The following CRPPA variants were observed in gnomAD, a reference collection of about 807,000 sequenced individuals.
CRPPA encodes CDP-L-ribitol pyrophosphorylase A, also known as D-ribitol-5-phosphate cytidylyltransferase.
CRPPA carries 43 observed loss-of-function variants against 52.0 expected under a neutral mutation model. The observed-to-expected ratio is 0.83, with a 90% CI of 0.65 to 1.07. CRPPA has a LOEUF of 1.07. CRPPA is among the 50% of genes least tolerant of loss of function. The pLI, the probability that CRPPA is intolerant of heterozygous loss-of-function variation, is 0.00. For synonymous variants in CRPPA, 250 were observed against 203.5 expected (o/e 1.23, Z -1.94); for missense variants, 629 against 551.7 (o/e 1.14, Z -1.40).
At chr7:16,164,065 G>A (rs1780988107) in intron 9 of CRPPA, among the ~76,000 whole-genome samples, 1 of 152,114 alleles carries the variant, frequency 6.6e-6, no homozygotes, top group African/African-American at 2.4e-5. Flanking sequence ...CTCATGTTAG[G>A]TTGGGGAAGT....
chr7:16,130,728 A>G (rs1034675063), intron 9 of CRPPA, among the ~76,000 whole-genome samples: 1 of 152,222 alleles, frequency 6.6e-6, no homozygotes, highest in Non-Finnish European at 1.5e-5. Flanking sequence ...TCACTTGGAA[A>G]GTATTCCTAG....
intron 9 of CRPPA, among the ~76,000 whole-genome samples, chr7:16,188,201 G>C (rs1041768328): frequency 6.6e-5 from 10 of 151,862 alleles, no homozygotes; most frequent in Non-Finnish European, 8.8e-5. Flanking sequence ...AGCCAGGATG[G>C]TCTCGATTTC....
intron 1 of CRPPA, among the ~76,000 whole-genome samples, chr7:16,408,203 A>T (rs963777830): frequency 6.6e-6 from 1 of 152,200 alleles, no homozygotes; most frequent in African/African-American, 2.4e-5. Flanking sequence ...AACACCGATC[A>T]ACAATTGCAA....
intron 6 of CRPPA, among the ~76,000 whole-genome samples, chr7:16,260,643 T>C (rs1783769990): frequency 6.6e-6 from 1 of 152,028 alleles, no homozygotes; most frequent in Non-Finnish European, 1.5e-5. Flanking sequence ...GCCAAGTTTC[T>C]GACTTCACAG....
intron 2 of CRPPA, among the ~76,000 whole-genome samples, chr7:16,380,453 T>C (rs1019788288): frequency 1.3e-5 from 2 of 152,160 alleles, no homozygotes; most frequent in African/African-American, 4.8e-5. Context: ...AAAATTCTCT[T>C]TTTTAGTTGT....
chr7:16,352,319 G>A (rs527545043), intron 3 of CRPPA, among the ~76,000 whole-genome samples: 1 of 151,982 alleles, frequency 6.6e-6, no homozygotes, highest in East Asian at 1.9e-4. Context: ...TAGATGGCGG[G>A]TTGATAGGTG....
chr7:16,185,557 C>T (rs913153789), intron 9 of CRPPA, among the ~76,000 whole-genome samples: 1 of 152,160 alleles, frequency 6.6e-6, no homozygotes, highest in African/African-American at 2.4e-5. Flanking sequence ...TGGCTCCTGC[C>T]TGGCTTCTCC....
At chr7:16,298,289 C>T (rs985366842) in intron 5 of CRPPA, among the ~76,000 whole-genome samples, 7 of 151,976 alleles carry the variant, frequency 4.6e-5, no homozygotes, top group African/African-American at 1.2e-4. Flanking sequence ...CATATATAGC[C>T]CAAAGGTTTC....
chr7:16,137,270 T>G (rs1782780714), intron 9 of CRPPA, among the ~76,000 whole-genome samples: 1 of 152,184 alleles, frequency 6.6e-6, no homozygotes, highest in South Asian at 2.1e-4. Context: ...AGGAATCAGG[T>G]CCTCACCAAA....
chr7:16,324,736 C>A (rs1785341291), intron 3 of CRPPA, among the ~76,000 whole-genome samples: 1 of 152,176 alleles, frequency 6.6e-6, no homozygotes, highest in African/African-American at 2.4e-5. Context: ...AAGGCACTGA[C>A]AAAAATGAGA....
intron 5 of CRPPA, among the ~76,000 whole-genome samples, chr7:16,284,559 G>A (rs1254307786): frequency 2.6e-5 from 4 of 151,936 alleles, no homozygotes; most frequent in Non-Finnish European, 5.9e-5. Flanking sequence ...TCAGGGTTTG[G>A]TAAACAATCC....
intron 5 of CRPPA, among the ~76,000 whole-genome samples, chr7:16,289,994 A>G (rs981044476): frequency 6.6e-6 from 1 of 152,200 alleles, no homozygotes; most frequent in Non-Finnish European, 1.5e-5. Context: ...AATTCAACAT[A>G]CAAAAATCAG....
chr7:16,260,803 T>C (rs1452334100), intron 6 of CRPPA, among the ~76,000 whole-genome samples: 3 of 152,084 alleles, frequency 2.0e-5, no homozygotes, highest in Non-Finnish European at 4.4e-5. Context: ...TTCAGTTTTT[T>C]TGAAGTATTA....
intron 8 of CRPPA, among the ~76,000 whole-genome samples, chr7:16,253,786 C>G (rs1015506003): frequency 6.6e-6 from 1 of 152,130 alleles, no homozygotes; most frequent in Non-Finnish European, 1.5e-5. Flanking sequence ...AAACTACCAT[C>G]AGAGTGAACA....
intron 1 of CRPPA, among the ~76,000 whole-genome samples, chr7:16,414,174 G>A (rs1311947810): frequency 6.6e-6 from 1 of 152,070 alleles, no homozygotes. Flanking sequence ...CATGAACTAT[G>A]AGGAAAGCCC....
At chr7:16,110,566 AAGAGGGAGAGAG>A (rs1782240149) in intron 9 of CRPPA, among the ~76,000 whole-genome samples, 1 of 152,120 alleles carries the variant, frequency 6.6e-6, no homozygotes, top group South Asian at 2.1e-4. Flanking sequence ...ACTGGTTAAA[AAGAGGGAGAGAG>A]AGACATACAC....
intron 9 of CRPPA, among the ~76,000 whole-genome samples, chr7:16,098,847 T>C (rs1356512290): frequency 6.6e-6 from 1 of 152,194 alleles, no homozygotes. Context: ...AGCGATCACC[T>C]ACTGATAGGG....
intron 9 of CRPPA, among the ~76,000 whole-genome samples, chr7:16,161,765 A>C (rs1780895161): frequency 6.6e-6 from 1 of 152,176 alleles, no homozygotes; most frequent in African/African-American, 2.4e-5. Flanking sequence ...GAATGGTACC[A>C]GCTCCTATTT....
At chr7:16,097,081 C>A (rs1285773280) in intron 9 of CRPPA, among the ~76,000 whole-genome samples, 4 of 152,166 alleles carry the variant, frequency 2.6e-5, no homozygotes, top group Non-Finnish European at 5.9e-5. Flanking sequence ...TGTCCAAATT[C>A]CGGGAGCATT....
Sources: gnomAD v4.1 joint callset for allele counts (sites outside exome capture counted in the v4.1 genomes callset) on GRCh38, gnomAD v4.1.1 for gene constraint, MANE v1.5 for transcripts, NCBI Gene and HGNC (gene_info 2026-07-23, HGNC 2026-07-21) for gene names.